UBE2E2: variants seen among roughly 807,000 people sequenced by gnomAD.
UBE2E2 encodes the protein ubiquitin-conjugating enzyme E2 E2.
Under a neutral mutation model 24.7 loss-of-function variants are expected in UBE2E2, and 6 were observed. That is an observed-to-expected ratio of 0.24 (90% CI 0.13 to 0.48). The LOEUF (loss-of-function observed/expected upper bound fraction) is 0.48. UBE2E2 is among the 20% of genes least tolerant of loss of function. UBE2E2 has a pLI of 0.99. For synonymous variants in UBE2E2, 104 were observed against 83.6 expected, an observed-to-expected ratio of 1.24 and a Z score of -1.33; for missense variants, 169 against 245.0, an observed-to-expected ratio of 0.69 and a Z score of 2.07.
chr3:23,381,145 A>G (rs935363605), intron 3 of UBE2E2, among the ~76,000 whole-genome samples: 1 of 152,120 alleles, frequency 6.6e-6, no homozygotes, highest in African/African-American at 2.4e-5. Context: ...CTGCCTTTTG[A>G]TATTTTTTGT....
rs772415833 is a variant in UBE2E2 at position 23,524,857 on chromosome 3, G to GACAC, written c.361-7693_361-7690dup. Among the ~76,000 whole-genome samples the GACAC allele has an allele frequency of 9.6e-3, 1,235 of 128,766 alleles. 8 individuals are homozygous for GACAC. The highest frequency in any genetic ancestry group is 0.012 in the Non-Finnish European group (750 of 60,974). 84.5% of individuals were successfully genotyped at this position (128,766 alleles called of 152,430 possible). A position where few individuals can be genotyped will look rare whatever the true frequency, so the allele number is the denominator to read the frequency against. ...CAGCTGGGAGATACAGATACACACA[G>GACAC]ACACACAGACACACACACACACACA... On this transcript the variant is annotated intron_variant, in intron 4 of 5. Transcript: ENST00000396703.
chr3:23,283,330 G>A (rs1376589046), intron 3 of UBE2E2, among the ~76,000 whole-genome samples: 3 of 152,134 alleles, frequency 2.0e-5, no homozygotes, highest in Non-Finnish European at 2.9e-5. Flanking sequence ...AAGACTTGAA[G>A]CGTGAACCCA....
At chr3:23,291,849 A>ATTTT (rs57708620) in intron 3 of UBE2E2, among the ~76,000 whole-genome samples, 6,907 of 64,002 alleles carry the variant, frequency 0.11, 1,305 homozygotes, top group Non-Finnish European at 0.13. Context: ...TGCCCGGCTA[A>ATTTT]TTTTTTTTTT....
intron 3 of UBE2E2, among the ~76,000 whole-genome samples, chr3:23,315,544 A>C (rs1694550163): frequency 6.6e-6 from 1 of 152,146 alleles, no homozygotes; most frequent in Non-Finnish European, 1.5e-5. Flanking sequence ...TTCATTCAAA[A>C]CAGCAATTTT....
At chr3:23,310,787 G>A (rs1364107622) in intron 3 of UBE2E2, among the ~76,000 whole-genome samples, 1 of 152,160 alleles carries the variant, frequency 6.6e-6, no homozygotes, top group African/African-American at 2.4e-5. Flanking sequence ...TGGCATGAGT[G>A]TGAAAGCAGA....
chr3:23,238,134 G>C (rs1266500897), intron 3 of UBE2E2, among the ~76,000 whole-genome samples: 1 of 152,076 alleles, frequency 6.6e-6, no homozygotes, highest in Non-Finnish European at 1.5e-5. Flanking sequence ...AAAAAGCCTG[G>C]TTCCCTTGAA....
At chr3:23,394,641 A>C (rs538604731) in intron 3 of UBE2E2, among the ~76,000 whole-genome samples, 1 of 152,320 alleles carries the variant, frequency 6.6e-6, no homozygotes, top group African/African-American at 2.4e-5. Flanking sequence ...GTTAATCCTC[A>C]GTCATTCGCT....
At chr3:23,229,405 C>T (rs1696915994) in intron 3 of UBE2E2, among the ~76,000 whole-genome samples, 1 of 152,124 alleles carries the variant, frequency 6.6e-6, no homozygotes, top group African/African-American at 2.4e-5. Flanking sequence ...GAACAGTATA[C>T]ACTGAACCCA....
intron 5 of UBE2E2, among the ~76,000 whole-genome samples, chr3:23,545,255 G>A (rs1271001039): frequency 2.6e-5 from 4 of 152,058 alleles, no homozygotes; most frequent in Non-Finnish European, 4.4e-5. Context: ...CCCTTCCCAC[G>A]AGGCCATATT....
intron 3 of UBE2E2, among the ~76,000 whole-genome samples, chr3:23,455,871 C>T (rs1441622819): frequency 4.6e-5 from 7 of 152,136 alleles, no homozygotes; most frequent in East Asian, 1.9e-4. Flanking sequence ...AATAAAACAA[C>T]GATGAAATTT....
At chr3:23,548,561 C>T (rs1043614779) in intron 5 of UBE2E2, among the ~76,000 whole-genome samples, 11 of 152,086 alleles carry the variant, frequency 7.2e-5, no homozygotes, top group South Asian at 2.1e-4. Flanking sequence ...CAGAACTTTG[C>T]GGTGTATTCT....
At chr3:23,466,487 G>T (rs76498164) in intron 3 of UBE2E2, among the ~76,000 whole-genome samples, 2 of 152,174 alleles carry the variant, frequency 1.3e-5, no homozygotes, top group Non-Finnish European at 2.9e-5. Flanking sequence ...GTCCCTTGCA[G>T]AATATTTTGT....
At chr3:23,292,012 C>T (rs1358975267) in intron 3 of UBE2E2, among the ~76,000 whole-genome samples, 1 of 151,996 alleles carries the variant, frequency 6.6e-6, no homozygotes, top group Non-Finnish European at 1.5e-5. Context: ...GCGCCCGCCA[C>T]CGCACCCGGC....
chr3:23,316,740 G>C lies in UBE2E2; in HGVS notation c.227+99428G>C, dbSNP rs1030691580. 2.0e-5 allele frequency among the ~76,000 whole-genome samples: 3 copies of C among 151,944 alleles called. 1 individual carries two copies. Among genetic ancestry groups the C allele is most frequent in the Admixed American group, 2.0e-4 (3 of 15,248 alleles). Reference sequence around the variant, plus strand: ...TAATGGTGGCACGCCTCAGAGTCTCGCTCAAGGCCCACGGCATGTACTACC... The same window carrying C: ...TAATGGTGGCACGCCTCAGAGTCTCCCTCAAGGCCCACGGCATGTACTACC... On this transcript the variant is annotated intron_variant, in intron 3 of 5. Coordinates refer to ENST00000396703, the MANE Select transcript of UBE2E2 (RefSeq NM_152653.4).
chr3:23,270,062 G>A (rs2125361805), intron 3 of UBE2E2, among the ~76,000 whole-genome samples: 1 of 151,638 alleles, frequency 6.6e-6, no homozygotes, highest in Admixed American at 6.6e-5. Context: ...TCCATTTCCT[G>A]TCTGGCTACC....
rs376538737 is a variant in UBE2E2 at position 23,396,331 on chromosome 3, G to A, written c.228-103277G>A. ...TATATATATATATGTATATATATACGTATATATATATATAGCATTTTATTT... is the reference window on the plus strand; with the variant it reads ...TATATATATATATGTATATATATACATATATATATATATAGCATTTTATTT... On this transcript the variant is annotated intron_variant, in intron 3 of 5. Transcript: ENST00000396703. Among the ~76,000 whole-genome samples, 141 of 143,078 alleles carry A rather than the reference G, an allele frequency of 9.9e-4. 5 individuals are homozygous for A. In the South Asian group the frequency reaches 0.026, roughly 26 times the overall value. 93.9% of individuals were successfully genotyped at this position (143,078 alleles called of 152,430 possible). A position where few individuals can be genotyped will look rare whatever the true frequency, so the allele number is the denominator to read the frequency against.
intron 3 of UBE2E2, among the ~76,000 whole-genome samples, chr3:23,257,513 C>G (rs1383766482): frequency 0.028 from 19 of 676 alleles, no homozygotes; most frequent in Admixed American, 0.036. Flanking sequence ...GTTTCCCGTG[C>G]CCCCCCCCCC....
intron 3 of UBE2E2, among the ~76,000 whole-genome samples, chr3:23,449,252 T>C (rs1179455957): frequency 6.6e-6 from 1 of 152,242 alleles, no homozygotes. Flanking sequence ...GGATTTTTAT[T>C]GTTAGCCACA....
At chr3:23,423,278 G>T (rs1242854446) in intron 3 of UBE2E2, among the ~76,000 whole-genome samples, 3 of 152,192 alleles carry the variant, frequency 2.0e-5, no homozygotes, top group African/African-American at 7.2e-5. Context: ...CTTTGCAGCT[G>T]TCTTGGAGAT....
Sources: gnomAD v4.1 joint callset for allele counts (sites outside exome capture counted in the v4.1 genomes callset) on GRCh38, gnomAD v4.1.1 for gene constraint, MANE v1.5 for transcripts, NCBI Gene and HGNC (gene_info 2026-07-23, HGNC 2026-07-21) for gene names.